The following KIAA0753 variants were observed in gnomAD, a reference collection of about 807,000 sequenced individuals.
KIAA0753 encodes the protein protein moonraker.
Under a neutral mutation model 116.9 loss-of-function variants are expected in KIAA0753, and 114 were observed. The ratio of observed to expected loss-of-function variants is 0.98; its 90% confidence interval spans 0.84 to 1.14. KIAA0753 has a LOEUF of 1.14. KIAA0753 is among the 50% of genes most tolerant of loss of function. The pLI is 0.00. For missense variants in KIAA0753, 1,156 were observed against 1,172.4 expected (o/e 0.99, Z 0.20); for synonymous variants, 405 against 413.1 (o/e 0.98, Z 0.24).
At chr17:6,591,039 AG>A (rs1225023998) in intron 16 of KIAA0753, among the ~76,000 whole-genome samples, 3 of 69,238 alleles carry the variant, frequency 4.3e-5, no homozygotes, top group African/African-American at 1.5e-4. Flanking sequence ...AGAAGGAAGA[AG>A]GAAGAAGAAG....
intron 7 of KIAA0753, among the ~76,000 whole-genome samples, chr17:6,615,602 G>A (rs997750790): frequency 1.9e-4 from 21 of 109,086 alleles, no homozygotes; most frequent in African/African-American, 6.8e-4. Context: ...GCAACAGAGC[G>A]AGACTCCGTC....
intron 2 of KIAA0753, 38 bp from the exon 3 acceptor site, chr17:6,628,779 A>C: frequency 1.3e-6 from 2 of 1,539,230 alleles, no homozygotes; most frequent in South Asian, 1.3e-5. Context: ...ACATCAGAAA[A>C]ATTTCATATT....
At chr17:6,584,869 T>G (rs1406213588) in intron 18 of KIAA0753, among the ~76,000 whole-genome samples, 1 of 152,210 alleles carries the variant, frequency 6.6e-6, no homozygotes, top group Non-Finnish European at 1.5e-5. Flanking sequence ...TGGTGCCATC[T>G]CAGCTCACTG....
rs765976379 is a variant in KIAA0753 at position 6,628,601 on chromosome 17, T to C, written c.234A>G (p.Arg78=). ...CAGAACTGCCCAGGTCAGGACCAACTCTACAATCTGCATCTTTACAATGGT... is the reference window on the plus strand; with the variant it reads ...CAGAACTGCCCAGGTCAGGACCAACCCTACAATCTGCATCTTTACAATGGT... ...ESYHCKDADC[R]VGPDLGSSVS... is the part of the protein sequence containing the mutation. The change falls in exon 3 of 19, where the codon AGA becomes AGG. Residue 78 remains arginine (R), a synonymous_variant. Coordinates refer to ENST00000361413, the MANE Select transcript of KIAA0753 (RefSeq NM_014804.3). 11 of 1,614,080 alleles carry C rather than the reference T, an allele frequency of 6.8e-6. No homozygotes were observed. The African/African-American group carries it at 1.1e-4, about 16-fold the overall frequency.
At chr17:6,627,092 T>C (rs1033023916) in intron 3 of KIAA0753, among the ~76,000 whole-genome samples, 1 of 152,240 alleles carries the variant, frequency 6.6e-6, no homozygotes, top group African/African-American at 2.4e-5. Flanking sequence ...AATTTCTTTC[T>C]GGCCTTAATA....
At position 6,611,902 on chromosome 17, in the gene KIAA0753, G is replaced by A; in HGVS notation, c.1545+17C>T. On this transcript the variant is annotated intron_variant, in intron 8 of 18. Coordinates refer to ENST00000361413, the MANE Select transcript of KIAA0753 (RefSeq NM_014804.3). ...AGATTAACACAAATGGGCCAAAAGAGAGGAATGATTTCATACTTGCTGTCT... is the reference window on the plus strand; with the variant it reads ...AGATTAACACAAATGGGCCAAAAGAAAGGAATGATTTCATACTTGCTGTCT... The A allele has an allele frequency of 6.2e-7, 1 of 1,604,264 alleles. No individual in the cohort carries two copies. The highest frequency in any genetic ancestry group is 2.2e-5 in the East Asian group (1 of 44,820).
At chr17:6,610,912 T>G (rs553435649) in intron 8 of KIAA0753, among the ~76,000 whole-genome samples, 1 of 152,336 alleles carries the variant, frequency 6.6e-6, no homozygotes, top group Admixed American at 6.5e-5. Flanking sequence ...TCTTGACATC[T>G]CAATGATTCA....
At chr17:6,591,562 T>C (rs1233199012) in intron 16 of KIAA0753, among the ~76,000 whole-genome samples, 1 of 152,238 alleles carries the variant, frequency 6.6e-6, no homozygotes, top group Admixed American at 6.5e-5. Flanking sequence ...GATTCCAGAA[T>C]GTGTCCAAAA....
intron 5 of KIAA0753, 91 bp downstream of exon 5, chr17:6,623,418 C>T (rs1971457010): frequency 2.0e-6 from 2 of 1,019,320 alleles, no homozygotes; most frequent in Non-Finnish European, 2.9e-6. Context: ...CTGAAAATAA[C>T]ATTAGTGCAG....
intron 16 of KIAA0753, among the ~76,000 whole-genome samples, chr17:6,594,412 CA>C (rs1248220752): frequency 1.3e-5 from 2 of 152,040 alleles, no homozygotes; most frequent in East Asian, 3.9e-4. Context: ...GTATTTATGA[CA>C]TAAATATAGT....
At chr17:6,599,151 G>C (rs1969678710) in intron 14 of KIAA0753, 86 bp downstream of exon 14, 1 of 933,552 alleles carries the variant, frequency 1.1e-6, no homozygotes, top group Non-Finnish European at 1.7e-6. Context: ...TCTAGTGTTT[G>C]CAAAGTAATC....
At chr17:6,581,490 C>A (rs1051806316) in intron 18 of KIAA0753, among the ~76,000 whole-genome samples, 1 of 152,090 alleles carries the variant, frequency 6.6e-6, no homozygotes, top group African/African-American at 2.4e-5. Flanking sequence ...TACTGTTTTC[C>A]CCTTTGTAAT....
At chr17:6,634,248 G>A (rs183079918) in intron 2 of KIAA0753, among the ~76,000 whole-genome samples, 150 of 152,042 alleles carry the variant, frequency 9.9e-4, no homozygotes, top group African/African-American at 3.6e-3. Context: ...GATTATAGGT[G>A]TGCACCACCA....
chr17:6,636,119 G>A (rs938122972), intron 1 of KIAA0753: 1 of 151,928 alleles, frequency 6.6e-6, no homozygotes, highest in African/African-American at 2.4e-5. Context: ...GGAAATTCAA[G>A]GTTTTTTTAA....
In KIAA0753 at chr17:6,579,469, T is replaced by C. The variant is rs957477835; in HGVS notation, c.*278A>G. 55 of 328,978 alleles carry C rather than the reference T, an allele frequency of 1.7e-4. No individual in the cohort carries two copies. Among genetic ancestry groups the C allele is most frequent in the Non-Finnish European group, 2.8e-4 (50 of 176,362 alleles). The allele number at this position is 328,978 out of a possible 1,614,324, so 20.4% of individuals were successfully genotyped here. On this transcript the variant is annotated 3_prime_UTR_variant, in exon 19 of 19. Transcript: ENST00000361413. ...CAGAGGAATGAACATGGTATTTCAA[T>C]AGGAAAAGTACACATTCTGAAAATA...
chr17:6,610,240 C>T (rs1002872183), intron 8 of KIAA0753, 80 bp from the exon 9 acceptor site: 14 of 1,409,146 alleles, frequency 9.9e-6, no homozygotes, highest in African/African-American at 1.5e-5. Flanking sequence ...ACTGAAGCTC[C>T]AAGTTCTCCA....
chr17:6,588,110 T>C (rs1051257948), intron 18 of KIAA0753, among the ~76,000 whole-genome samples: 2 of 152,076 alleles, frequency 1.3e-5, no homozygotes, highest in African/African-American at 4.8e-5. Context: ...GAACAAGCTG[T>C]TGGACTGACA....
chr17:6,599,129 T>C (rs960765980), intron 14 of KIAA0753, 108 bp downstream of exon 14: 7 of 745,998 alleles, frequency 9.4e-6, no homozygotes, highest in Non-Finnish European at 1.6e-5. Context: ...TCATACTTCT[T>C]GAGTAGGATA....
chr17:6,583,866 T>C (rs1020271111), intron 18 of KIAA0753, among the ~76,000 whole-genome samples: 1 of 152,242 alleles, frequency 6.6e-6, no homozygotes, highest in Non-Finnish European at 1.5e-5. Flanking sequence ...CTGGTTATTT[T>C]TCACCATATA....
Sources: allele counts gnomAD v4.1 joint callset (sites outside exome capture counted in the v4.1 genomes callset), GRCh38; gene constraint gnomAD v4.1.1; transcripts MANE v1.5; gene names NCBI Gene and HGNC (gene_info 2026-07-23, HGNC 2026-07-21).